RNF13: variants seen among roughly 807,000 people sequenced by gnomAD.
RNF13 encodes the protein E3 ubiquitin-protein ligase RNF13.
Under a neutral mutation model 37.7 loss-of-function variants are expected in RNF13, and 19 were observed. The observed-to-expected ratio is 0.50, with a 90% CI of 0.35 to 0.74. The LOEUF is 0.74. RNF13 is among the 30% of genes least tolerant of loss of function. RNF13 has a pLI of 0.01. For synonymous variants in RNF13, 144 were observed against 157.8 expected (o/e 0.91, Z 0.65); for missense variants, 375 against 453.0 (o/e 0.83, Z 1.56).
chr3:149,839,893 T>G (rs1044400572), intron 1 of RNF13, among the ~76,000 whole-genome samples: 7 of 152,224 alleles, frequency 4.6e-5, no homozygotes, highest in Non-Finnish European at 5.9e-5. Flanking sequence ...TCTTTTGATG[T>G]GTAACAATTT....
chr3:149,927,522 T>G (rs1718768744), intron 8 of RNF13, among the ~76,000 whole-genome samples: 1 of 152,208 alleles, frequency 6.6e-6, no homozygotes, highest in South Asian at 2.1e-4. Flanking sequence ...TTGTTTAACT[T>G]TATGAGGAAC....
At chr3:149,875,701 C>T (rs1356428958) in intron 4 of RNF13, among the ~76,000 whole-genome samples, 1 of 152,030 alleles carries the variant, frequency 6.6e-6, no homozygotes, top group Non-Finnish European at 1.5e-5. Context: ...AACCCATGCT[C>T]AGAATGAATG....
intron 3 of RNF13, among the ~76,000 whole-genome samples, chr3:149,866,371 T>G (rs1036992202): frequency 1.3e-5 from 2 of 152,232 alleles, no homozygotes; most frequent in Non-Finnish European, 2.9e-5. Context: ...ATGGGTAACT[T>G]CCTGAAGTTG....
At chr3:149,889,292 C>CGTGT (rs376618726) in intron 4 of RNF13, among the ~76,000 whole-genome samples, 7,076 of 138,058 alleles carry the variant, frequency 0.051, 304 homozygotes, top group African/African-American at 0.1. Flanking sequence ...TTTGAGTGTG[C>CGTGT]GTGTGTGTGT....
chr3:149,825,956 C>T (rs949346273), intron 1 of RNF13, among the ~76,000 whole-genome samples: 1 of 152,190 alleles, frequency 6.6e-6, no homozygotes, highest in Non-Finnish European at 1.5e-5. Context: ...CTCCCTACCC[C>T]TCTTTGTATC....
At chr3:149,819,742 A>G (rs1719842015) in intron 1 of RNF13, among the ~76,000 whole-genome samples, 1 of 152,246 alleles carries the variant, frequency 6.6e-6, no homozygotes, top group Non-Finnish European at 1.5e-5. Context: ...ACCACAGTTT[A>G]GTTCTGAGCT....
Position 149,877,472 on chromosome 3 carries a change from CTTTT to C in RNF13, c.321+5335_321+5338del, listed in dbSNP as rs369676407. On this transcript the variant is annotated intron_variant, in intron 4 of 9. Transcript: ENST00000392894. ...TCATAATAACTCTTTTTCTTTCTGT[CTTTT>C]TTTTTTTTTTTTTTTTGGTGATTTT... Among the ~76,000 whole-genome samples the C allele has an allele frequency of 1.6e-4, 16 of 101,456 alleles. No individual in the cohort carries two copies. The East Asian group carries it at 3.7e-3, about 23-fold the overall frequency. 66.6% of individuals were successfully genotyped at this position (101,456 alleles called of 152,430 possible).
intron 3 of RNF13, among the ~76,000 whole-genome samples, chr3:149,866,623 C>A (rs1261924859): frequency 6.6e-6 from 1 of 152,206 alleles, no homozygotes; most frequent in Non-Finnish European, 1.5e-5. Flanking sequence ...TTTTACCCAG[C>A]TCCTATTCAA....
chr3:149,930,129 A>C (rs1327031370), intron 8 of RNF13, among the ~76,000 whole-genome samples: 1 of 152,118 alleles, frequency 6.6e-6, no homozygotes. Flanking sequence ...GGGTTTCACT[A>C]TGTTGGCTAG....
chr3:149,834,662 AAAG>A (rs1721408086), intron 1 of RNF13, among the ~76,000 whole-genome samples: 1 of 152,222 alleles, frequency 6.6e-6, no homozygotes, highest in Admixed American at 6.5e-5. Flanking sequence ...TGGTGATTGA[AAAG>A]AACTTGGCAC....
intron 8 of RNF13, among the ~76,000 whole-genome samples, chr3:149,949,069 C>T (rs1049621931): frequency 6.6e-6 from 1 of 151,868 alleles, no homozygotes; most frequent in African/African-American, 2.4e-5. Flanking sequence ...AAGTGATTTA[C>T]TCACCTACAT....
intron 7 of RNF13, among the ~76,000 whole-genome samples, chr3:149,918,693 G>GTTTTT (rs71138423): frequency 7.6e-6 from 1 of 132,394 alleles, no homozygotes. Context: ...CCAGCTAATT[G>GTTTTT]TTTTTTTTTT....
At chr3:149,818,187 A>G (rs1466438902) in intron 1 of RNF13, among the ~76,000 whole-genome samples, 1 of 152,140 alleles carries the variant, frequency 6.6e-6, no homozygotes, top group Non-Finnish European at 1.5e-5. Flanking sequence ...ATTCACTCAA[A>G]TATTTGTTGA....
At chr3:149,866,129 A>T (rs1467071905) in intron 3 of RNF13, among the ~76,000 whole-genome samples, 4 of 151,792 alleles carry the variant, frequency 2.6e-5, no homozygotes, top group Non-Finnish European at 5.9e-5. Context: ...TAGGAAAGGG[A>T]TCCTGATCCA....
At chr3:149,950,248 T>C (rs1405824022) in intron 8 of RNF13, among the ~76,000 whole-genome samples, 1 of 151,082 alleles carries the variant, frequency 6.6e-6, no homozygotes, top group Non-Finnish European at 1.5e-5. Context: ...TTTAAATTCC[T>C]GATCCGATAA....
intron 1 of RNF13, among the ~76,000 whole-genome samples, chr3:149,842,996 G>A (rs992882129): frequency 7.2e-5 from 11 of 152,090 alleles, no homozygotes; most frequent in Admixed American, 3.9e-4. Context: ...TGCTAAAAAC[G>A]TATTTGAATG....
intron 1 of RNF13, among the ~76,000 whole-genome samples, chr3:149,817,040 A>G (rs1037814614): frequency 4.6e-5 from 7 of 152,180 alleles, no homozygotes; most frequent in Non-Finnish European, 7.3e-5. Flanking sequence ...ATTTAGGAGG[A>G]GAGAGGATGA....
intron 1 of RNF13, among the ~76,000 whole-genome samples, chr3:149,837,682 G>A (rs956864927): frequency 3.3e-5 from 5 of 152,120 alleles, no homozygotes; most frequent in Admixed American, 6.5e-5. Flanking sequence ...CTCCATGATT[G>A]AATTACCTCC....
At chr3:149,943,571 T>A (rs1720485372) in intron 8 of RNF13, among the ~76,000 whole-genome samples, 1 of 152,180 alleles carries the variant, frequency 6.6e-6, no homozygotes, top group African/African-American at 2.4e-5. Flanking sequence ...TTTATTCTTG[T>A]TGTTGTACAT....
Sources: gnomAD v4.1 joint callset for allele counts (sites outside exome capture counted in the v4.1 genomes callset) on GRCh38, gnomAD v4.1.1 for gene constraint, MANE v1.5 for transcripts, NCBI Gene and HGNC (gene_info 2026-07-23, HGNC 2026-07-21) for gene names.